Variants in GABRB1 observed in about 807,000 individuals in gnomAD.
The protein encoded by GABRB1 is gamma-aminobutyric acid receptor subunit beta-1.
A neutral mutation model predicts 51.6 loss-of-function variants in GABRB1; 17 were observed. The observed-to-expected ratio is 0.33, with a 90% CI of 0.23 to 0.49. The LOEUF (loss-of-function observed/expected upper bound fraction) is 0.49. Among genes scored for constraint, GABRB1 ranks in the 20% least tolerant of loss-of-function variants. The probability of loss-of-function intolerance (pLI) is 0.99; values close to 1 mark genes in which losing one functional copy is unlikely to be tolerated. For missense variants in GABRB1, 410 were observed against 600.6 expected (o/e 0.68, Z 3.32); for synonymous variants, 247 against 218.9 (o/e 1.13, Z -1.14).
chr4:47,364,346 C>T (rs1434531377), intron 5 of GABRB1, among the ~76,000 whole-genome samples: 2 of 150,896 alleles, frequency 1.3e-5, no homozygotes, highest in Non-Finnish European at 2.9e-5. Flanking sequence ...TTTTGTAGCA[C>T]AAAAGCAAAT....
At chr4:47,349,071 G>A (rs973816854) in intron 5 of GABRB1, among the ~76,000 whole-genome samples, 1 of 152,206 alleles carries the variant, frequency 6.6e-6, no homozygotes, top group African/African-American at 2.4e-5. Flanking sequence ...TTTAGATTCT[G>A]AGTGGAAGGT....
At chr4:47,311,199 G>A (rs1180014651) in intron 4 of GABRB1, among the ~76,000 whole-genome samples, 2 of 151,330 alleles carry the variant, frequency 1.3e-5, no homozygotes, top group Non-Finnish European at 2.9e-5. Flanking sequence ...TTCGAGACCA[G>A]CCTGGCCAAC....
Position 47,034,642 on chromosome 4 carries a change from G to A in GABRB1, c.240+2158G>A, listed in dbSNP as rs368202436. ...GTTCTTTCTTGTTTCTCCTTTTAAT[G>A]AGCACTATCAACAGAACCCAAAGTT... On this transcript the variant is annotated intron_variant, in intron 3 of 8. Coordinates refer to ENST00000295454, the MANE Select transcript of GABRB1 (RefSeq NM_000812.4). Among the ~76,000 whole-genome samples the A allele has an allele frequency of 2.6e-4, 40 of 152,154 alleles. 1 individual carries two copies. The highest frequency in any genetic ancestry group is 9.6e-4 in the African/African-American group (40 of 41,512).
rs533587392 is a variant in GABRB1 at position 47,403,247 on chromosome 4, T to C, written c.545-71T>C. Reference sequence around the variant, plus strand: ...CCACTTTTGTGCTGGGAATTTTTCCTCTAGCTCCCAGATGGTATTCAAAAT... The same window carrying C: ...CCACTTTTGTGCTGGGAATTTTTCCCCTAGCTCCCAGATGGTATTCAAAAT... On this transcript the variant is annotated intron_variant, in intron 5 of 8. Coordinates refer to ENST00000295454, the MANE Select transcript of GABRB1 (RefSeq NM_000812.4). 13 of 1,560,304 alleles carry C rather than the reference T, an allele frequency of 8.3e-6. No individual in the cohort carries two copies. In the Admixed American group the frequency reaches 1.9e-4, roughly 23 times the overall value.
At chr4:47,292,766 G>A (rs1307478100) in intron 4 of GABRB1, among the ~76,000 whole-genome samples, 2 of 152,188 alleles carry the variant, frequency 1.3e-5, no homozygotes, top group Non-Finnish European at 2.9e-5. Context: ...GGGCCTTCTT[G>A]CTGTGTCATC....
intron 3 of GABRB1, among the ~76,000 whole-genome samples, chr4:47,073,953 A>G (rs973023449): frequency 6.6e-6 from 1 of 152,324 alleles, no homozygotes; most frequent in African/African-American, 2.4e-5. Context: ...AAAGACACTG[A>G]CTAATAGGCA....
intron 5 of GABRB1, among the ~76,000 whole-genome samples, chr4:47,348,929 G>A (rs572368561): frequency 6.6e-6 from 1 of 152,266 alleles, no homozygotes; most frequent in African/African-American, 2.4e-5. Flanking sequence ...AACTAGATGA[G>A]ACTTGGTAAA....
chr4:47,176,520 T>C (rs2109763059), intron 4 of GABRB1, among the ~76,000 whole-genome samples: 2 of 152,192 alleles, frequency 1.3e-5, no homozygotes, highest in South Asian at 4.2e-4. Flanking sequence ...GTTTTGGAAA[T>C]GTTATTTTTG....
chr4:47,111,180 T>C (rs563941522), intron 3 of GABRB1, among the ~76,000 whole-genome samples: 1 of 152,252 alleles, frequency 6.6e-6, no homozygotes, highest in South Asian at 2.1e-4. Flanking sequence ...ACAAGTCATT[T>C]TATAGTCCTA....
chr4:47,298,025 T>C (rs1724080804), intron 4 of GABRB1, among the ~76,000 whole-genome samples: 1 of 152,148 alleles, frequency 6.6e-6, no homozygotes, highest in Non-Finnish European at 1.5e-5. Flanking sequence ...AAAAGGCCTT[T>C]GACAAAATTC....
At chr4:47,136,384 CA>C (rs1716653108) in intron 3 of GABRB1, among the ~76,000 whole-genome samples, 1 of 151,990 alleles carries the variant, frequency 6.6e-6, no homozygotes, top group Non-Finnish European at 1.5e-5. Flanking sequence ...TTCTCTGTCA[CA>C]TGAAGATTAC....
chr4:47,372,648 C>T lies in GABRB1; in HGVS notation c.545-30670C>T, dbSNP rs570885475. 2.6e-4 allele frequency among the ~76,000 whole-genome samples: 40 copies of T among 152,312 alleles called. 1 individual carries two copies. The highest frequency in any genetic ancestry group is 8.4e-4 in the African/African-American group (35 of 41,558). On this transcript the variant is annotated intron_variant, in intron 5 of 8. Coordinates refer to ENST00000295454, the MANE Select transcript of GABRB1 (RefSeq NM_000812.4). ...AAGTCGGCTCTGTCACCCTGCTTTT[C>T]TTTCTGGACTAGACATTGAGAGGAG...
At chr4:47,380,571 A>T (rs191862811) in intron 5 of GABRB1, among the ~76,000 whole-genome samples, 1 of 152,234 alleles carries the variant, frequency 6.6e-6, no homozygotes, top group Non-Finnish European at 1.5e-5. Context: ...TGTTTTACTA[A>T]CATGAACTTC....
At chr4:47,300,866 A>G (rs745470977) in intron 4 of GABRB1, among the ~76,000 whole-genome samples, 4 of 152,174 alleles carry the variant, frequency 2.6e-5, no homozygotes, top group Non-Finnish European at 5.9e-5. Flanking sequence ...CAAAGAGGCT[A>G]TACAGATACA....
At chr4:47,294,558 C>T (rs989127412) in intron 4 of GABRB1, among the ~76,000 whole-genome samples, 3 of 152,346 alleles carry the variant, frequency 2.0e-5, no homozygotes, top group African/African-American at 4.8e-5. Flanking sequence ...GGGGGAGGGG[C>T]GCCCGCCATT....
chr4:47,406,659 A>C, intron 7 of GABRB1, 23 bp from the exon 8 acceptor site: 1 of 1,613,464 alleles, frequency 6.2e-7, no homozygotes, highest in Non-Finnish European at 8.5e-7. Context: ...CCTTCAGCTA[A>C]GTGTTGTCTT....
chr4:47,297,483 T>C (rs1724052286), intron 4 of GABRB1, among the ~76,000 whole-genome samples: 1 of 152,032 alleles, frequency 6.6e-6, no homozygotes, highest in Admixed American at 6.6e-5. Context: ...CAAACACCTC[T>C]ACACAAATAA....
intron 4 of GABRB1, among the ~76,000 whole-genome samples, chr4:47,174,924 CCTT>C (rs1339979836): frequency 2.2e-5 from 3 of 139,028 alleles, no homozygotes; most frequent in Non-Finnish European, 3.1e-5. Context: ...TTCCTTCCTT[CCTT>C]CTTTCCTTCC....
intron 4 of GABRB1, among the ~76,000 whole-genome samples, chr4:47,310,455 T>C (rs754034844): frequency 6.6e-6 from 1 of 152,234 alleles, no homozygotes; most frequent in Non-Finnish European, 1.5e-5. Flanking sequence ...AAATTACTGA[T>C]AACTAAATTA....
Sources: gnomAD v4.1 joint callset for allele counts (sites outside exome capture counted in the v4.1 genomes callset) on GRCh38, gnomAD v4.1.1 for gene constraint, MANE v1.5 for transcripts, NCBI Gene and HGNC (gene_info 2026-07-23, HGNC 2026-07-21) for gene names.